The following LRP1B variants were observed in gnomAD, a reference collection of about 807,000 sequenced individuals.
The protein encoded by LRP1B is low-density lipoprotein receptor-related protein 1B.
A neutral mutation model predicts 556.6 loss-of-function variants in LRP1B; 217 were observed. The ratio of observed to expected loss-of-function variants is 0.39; its 90% CI spans 0.35 to 0.44. The LOEUF (loss-of-function observed/expected upper bound fraction) is 0.44. LRP1B is among the 20% of genes least tolerant of loss of function. The pLI, the probability that LRP1B is intolerant of heterozygous loss-of-function variation, is 1.00. For synonymous variants in LRP1B, 2,047 were observed against 1,865.8 expected, an observed-to-expected ratio of 1.10 and a Z score of -2.50; for missense variants, 5,053 against 5,620.8, an observed-to-expected ratio of 0.90 and a Z score of 3.23.
Position 140,850,150 on chromosome 2 carries a change from T to A in LRP1B, c.4891A>T (p.Lys1631Ter), listed in dbSNP as rs2105117463. The A allele has an allele frequency of 6.2e-7, 1 of 1,613,820 alleles. No homozygotes were observed. Among genetic ancestry groups the A allele is most frequent in the Non-Finnish European group, 8.5e-7 (1 of 1,179,834 alleles). The change falls in exon 29 of 91, where the codon AAA becomes TAA. Residue 1631 changes from lysine (K) to a stop codon, truncating the protein, a stop_gained. Coordinates refer to ENST00000389484, the MANE Select transcript of LRP1B (RefSeq NM_018557.3). LOFTEE classifies it high-confidence loss of function. ...YWTDIKTQTI[K>*]RAFINGTGLE... Reference sequence around the variant, plus strand: ...CCAGTTCCGTTAATAAAAGCTCGTTTAATGGTTTGTGTTTTAATATCTGTC... The same window carrying A: ...CCAGTTCCGTTAATAAAAGCTCGTTAAATGGTTTGTGTTTTAATATCTGTC...
intron 21 of LRP1B, among the ~76,000 whole-genome samples, chr2:140,916,429 C>T (rs532704210): frequency 3.3e-5 from 5 of 152,210 alleles, no homozygotes; most frequent in Admixed American, 6.6e-5. Context: ...TTCACAGAAG[C>T]CCATAGAGAA....
intron 1 of LRP1B, among the ~76,000 whole-genome samples, chr2:142,112,062 C>T (rs888565457): frequency 1.3e-5 from 2 of 151,980 alleles, no homozygotes; most frequent in African/African-American, 4.8e-5. Context: ...GGTGCCTTTC[C>T]ATCTATGCTA....
intron 25 of LRP1B, among the ~76,000 whole-genome samples, chr2:140,868,785 T>C (rs1429618544): frequency 6.6e-6 from 1 of 152,096 alleles, no homozygotes; most frequent in East Asian, 1.9e-4. Context: ...TTCTGGATTT[T>C]ATATTAAGGG....
At chr2:141,409,671 A>T (rs1009003938) in intron 3 of LRP1B, among the ~76,000 whole-genome samples, 6 of 152,108 alleles carry the variant, frequency 3.9e-5, no homozygotes, top group African/African-American at 1.4e-4. Context: ...TGGAACTTAC[A>T]TCCTACAAGT....
At chr2:141,814,462 A>G (rs906549123) in intron 1 of LRP1B, among the ~76,000 whole-genome samples, 1 of 152,162 alleles carries the variant, frequency 6.6e-6, no homozygotes, top group Non-Finnish European at 1.5e-5. Context: ...CAGTGAAGTG[A>G]AGGTGGAAGC....
intron 1 of LRP1B, among the ~76,000 whole-genome samples, chr2:142,015,837 A>G (rs1001121382): frequency 1.3e-5 from 2 of 151,630 alleles, no homozygotes; most frequent in Admixed American, 6.6e-5. Context: ...ACTAAAATAC[A>G]AAAAATTAGC....
intron 3 of LRP1B, among the ~76,000 whole-genome samples, chr2:141,456,476 TCTC>T (rs1253424793): frequency 3.9e-5 from 6 of 152,230 alleles, no homozygotes; most frequent in Non-Finnish European, 8.8e-5. Context: ...AGGACTGTTT[TCTC>T]CTCAACTATG....
intron 28 of LRP1B, among the ~76,000 whole-genome samples, chr2:140,851,046 T>G (rs1381825800): frequency 1.3e-5 from 2 of 152,134 alleles, no homozygotes; most frequent in African/African-American, 4.8e-5. Context: ...TGGTGAGTAC[T>G]TTTTTTCTGT....
In LRP1B at chr2:141,356,237, T is replaced by C. The variant is rs181422147; in HGVS notation, c.344-101596A>G. On this transcript the variant is annotated intron_variant, in intron 3 of 90. Coordinates refer to ENST00000389484, the MANE Select transcript of LRP1B (RefSeq NM_018557.3). ...AATGGCAGAAACCAGAAACCAGTTA[T>C]TTACTGTTGGTGATTCAAGCTGTGT... Among the ~76,000 whole-genome samples the C allele has an allele frequency of 6.6e-5, 10 of 152,300 alleles. No homozygotes were observed. The East Asian group carries it at 1.2e-3, about 18-fold the overall frequency.
intron 1 of LRP1B, among the ~76,000 whole-genome samples, chr2:141,986,448 A>G (rs1034382722): frequency 6.6e-6 from 1 of 151,952 alleles, no homozygotes; most frequent in Admixed American, 6.6e-5. Context: ...AGTATCAGAG[A>G]CAAGAACAGT....
At chr2:140,433,675 A>G (rs1686049875) in intron 66 of LRP1B, among the ~76,000 whole-genome samples, 1 of 152,190 alleles carries the variant, frequency 6.6e-6, no homozygotes, top group Admixed American at 6.5e-5. Flanking sequence ...AATTTAGTTT[A>G]AATATAAATT....
At chr2:141,331,503 C>CTTTCTTT (rs1687646341) in intron 3 of LRP1B, among the ~76,000 whole-genome samples, 1 of 39,868 alleles carries the variant, frequency 2.5e-5, no homozygotes, top group Admixed American at 2.2e-4. Flanking sequence ...TCTTTCTTTC[C>CTTTCTTT]TTCTTTCTTT....
intron 41 of LRP1B, chr2:140,683,845 C>T (rs1685950832): frequency 3.2e-6 from 2 of 627,004 alleles, no homozygotes; most frequent in African/African-American, 3.7e-5. Context: ...CAGCCGACCC[C>T]GAAACAGCTC....
At chr2:140,356,616 C>T (rs1426301698) in intron 74 of LRP1B, 140 bp from the exon 75 acceptor site, 1 of 585,342 alleles carries the variant, frequency 1.7e-6, no homozygotes, top group Non-Finnish European at 3.0e-6. Flanking sequence ...GTCTTCTCTC[C>T]ATATAAGCCC....
chr2:140,849,703 C>G (rs1278496849), intron 29 of LRP1B, among the ~76,000 whole-genome samples: 2 of 151,866 alleles, frequency 1.3e-5, no homozygotes, highest in Non-Finnish European at 2.9e-5. Flanking sequence ...CCACATTTGG[C>G]TAATTTTGTA....
chr2:140,921,053 A>C (rs938927535), intron 21 of LRP1B, among the ~76,000 whole-genome samples: 1 of 152,016 alleles, frequency 6.6e-6, no homozygotes, highest in Admixed American at 6.6e-5. Flanking sequence ...AATAAATTAC[A>C]AGCACTTAGA....
At chr2:141,753,822 T>A (rs1268035517) in intron 2 of LRP1B, among the ~76,000 whole-genome samples, 3 of 152,176 alleles carry the variant, frequency 2.0e-5, no homozygotes, top group Non-Finnish European at 4.4e-5. Flanking sequence ...TACTTTTCCT[T>A]AAATAAATAT....
intron 83 of LRP1B, 39 bp from the exon 84 acceptor site, chr2:140,298,008 A>C: frequency 1.3e-6 from 2 of 1,530,092 alleles, no homozygotes; most frequent in Non-Finnish European, 1.8e-6. Context: ...AAATTATTCA[A>C]CCAAAATAGT....
intron 7 of LRP1B, among the ~76,000 whole-genome samples, chr2:141,093,345 G>T (rs1250871087): frequency 6.6e-6 from 1 of 152,108 alleles, no homozygotes; most frequent in Non-Finnish European, 1.5e-5. Flanking sequence ...ATAGGGGCAG[G>T]TCATCAAAGG....
Sources: allele counts gnomAD v4.1 joint callset (sites outside exome capture counted in the v4.1 genomes callset), GRCh38; gene constraint gnomAD v4.1.1; transcripts MANE v1.5; gene names NCBI Gene and HGNC (gene_info 2026-07-23, HGNC 2026-07-21).